CSTPP1: variants seen among roughly 807,000 people sequenced by gnomAD.
CSTPP1 encodes the protein centriolar satellite-associated tubulin polyglutamylase complex regulator 1.
chr11:47,132,739 G>GA, the CSTPP1 span, among the ~76,000 whole-genome samples: 1 of 152,208 alleles, frequency 6.6e-6, no homozygotes. Flanking sequence ...AACTTAGATA[G>GA]AAAATCTGTC....
At chr11:47,085,487 G>A in the CSTPP1 span, among the ~76,000 whole-genome samples, 1 of 152,102 alleles carries the variant, frequency 6.6e-6, no homozygotes, top group Non-Finnish European at 1.5e-5. Context: ...GACTGGAAAA[G>A]ATAAAATAAA....
chr11:47,131,819 A>C, the CSTPP1 span, among the ~76,000 whole-genome samples: 1 of 152,110 alleles, frequency 6.6e-6, no homozygotes, highest in African/African-American at 2.4e-5. Flanking sequence ...TCTACTAAAA[A>C]TACAAAAATT....
At chr11:47,113,280 G>A in the CSTPP1 span, among the ~76,000 whole-genome samples, 1 of 152,120 alleles carries the variant, frequency 6.6e-6, no homozygotes, top group Non-Finnish European at 1.5e-5. Context: ...TTGCTATTGT[G>A]AATAGTGCCA....
the CSTPP1 span, among the ~76,000 whole-genome samples, chr11:47,060,201 T>TATTCCA: frequency 9.9e-5 from 15 of 150,916 alleles, no homozygotes; most frequent in African/African-American, 3.6e-4. Context: ...GCACAGCTCA[T>TATTCCA]ATTCCAACCT....
chr11:47,080,332 A>G, the CSTPP1 span, among the ~76,000 whole-genome samples: 3 of 152,122 alleles, frequency 2.0e-5, no homozygotes, highest in South Asian at 2.1e-4. Flanking sequence ...GCACGCGCCT[A>G]TAGTCCCAGC....
the CSTPP1 span, among the ~76,000 whole-genome samples, chr11:47,015,506 A>G: frequency 6.6e-6 from 1 of 151,442 alleles, no homozygotes; most frequent in African/African-American, 2.4e-5. Context: ...AAAAATATAT[A>G]TATGTATATA....
the CSTPP1 span, among the ~76,000 whole-genome samples, chr11:46,975,964 A>G: frequency 6.6e-6 from 1 of 152,192 alleles, no homozygotes; most frequent in African/African-American, 2.4e-5. Flanking sequence ...AGTGTGTTCA[A>G]TGGAAATTGA....
At chr11:46,951,567 G>A in the CSTPP1 span, among the ~76,000 whole-genome samples, 7 of 152,050 alleles carry the variant, frequency 4.6e-5, no homozygotes, top group Non-Finnish European at 1.0e-4. Context: ...TTACAGACGT[G>A]AGCCACCATA....
the CSTPP1 span, chr11:47,161,134 G>C: frequency 6.2e-7 from 1 of 1,614,168 alleles, no homozygotes; most frequent in Non-Finnish European, 8.5e-7. Flanking sequence ...TAGGAGCTTT[G>C]CCTGACAAGG....
At chr11:47,086,189 GA>G in the CSTPP1 span, among the ~76,000 whole-genome samples, 1 of 124,982 alleles carries the variant, frequency 8.0e-6, no homozygotes, top group African/African-American at 3.1e-5. Flanking sequence ...AGGAGTTTGA[GA>G]CCAGCCTGGC....
At chr11:47,156,881 TCTG>T in the CSTPP1 span, 1 of 771,984 alleles carries the variant, frequency 1.3e-6, no homozygotes, top group Non-Finnish European at 2.0e-6. Flanking sequence ...GTTGAGAACT[TCTG>T]CTCTCAGGAC....
chr11:47,099,516 C>A, the CSTPP1 span, among the ~76,000 whole-genome samples: 944 of 152,278 alleles, frequency 6.2e-3, 6 homozygotes, highest in African/African-American at 0.02. Flanking sequence ...TTGGGAAGTT[C>A]TTTTCCTAAA....
chr11:47,108,353 C>T, the CSTPP1 span, among the ~76,000 whole-genome samples: 8 of 152,298 alleles, frequency 5.3e-5, no homozygotes, highest in South Asian at 6.2e-4. Flanking sequence ...GCTGTTTGCA[C>T]GAGGGCTATC....
the CSTPP1 span, among the ~76,000 whole-genome samples, chr11:46,975,193 C>T: frequency 2.6e-5 from 4 of 151,936 alleles, no homozygotes; most frequent in South Asian, 2.1e-4. Flanking sequence ...AGGAGGATTG[C>T]TTGAACCTGG....
chr11:47,001,273 A>G, the CSTPP1 span, among the ~76,000 whole-genome samples: 24 of 152,308 alleles, frequency 1.6e-4, no homozygotes, highest in Admixed American at 1.3e-3. Context: ...CTCTGCTCCT[A>G]TTTAACCAGT....
At chr11:46,955,420 G>C in the CSTPP1 span, among the ~76,000 whole-genome samples, 1 of 150,312 alleles carries the variant, frequency 6.7e-6, no homozygotes, top group African/African-American at 2.5e-5. Flanking sequence ...CTGGAGTGCA[G>C]TGGTGCGATC....
chr11:47,161,940 A>G, the CSTPP1 span: 1 of 1,131,378 alleles, frequency 8.8e-7, no homozygotes, highest in Non-Finnish European at 1.1e-6. Flanking sequence ...ACCTCTTAAG[A>G]GCAGTCTCTT....
the CSTPP1 span, among the ~76,000 whole-genome samples, chr11:47,045,099 C>G: frequency 6.6e-6 from 1 of 152,154 alleles, no homozygotes; most frequent in Non-Finnish European, 1.5e-5. Flanking sequence ...AGGAGTTTGA[C>G]AGCAGTTTGC....
At chr11:47,094,480 C>CAGAG in the CSTPP1 span, among the ~76,000 whole-genome samples, 47 of 150,262 alleles carry the variant, frequency 3.1e-4, no homozygotes, top group East Asian at 7.9e-4. Context: ...TTACCACACA[C>CAGAG]AGAGAGAGAG....
Sources: gnomAD v4.1 joint callset for allele counts (sites outside exome capture counted in the v4.1 genomes callset) on GRCh38, gnomAD v4.1.1 for gene constraint, MANE v1.5 for transcripts, NCBI Gene and HGNC (gene_info 2026-07-23, HGNC 2026-07-21) for gene names.